SH3D19: variants seen among roughly 807,000 people sequenced by gnomAD.
SH3D19 encodes the protein SH3 domain-containing protein 19.
In SH3D19, 58 loss-of-function variants were observed where a neutral mutation model predicts 112.1. The ratio of observed to expected loss-of-function variants is 0.52; its 90% CI spans 0.42 to 0.64. SH3D19 has a LOEUF of 0.64. Ranked by LOEUF, SH3D19 falls within the 30% of genes least tolerant of loss-of-function variation. SH3D19 has a pLI of 0.00. For missense variants in SH3D19, 1,090 were observed against 1,263.4 expected (o/e 0.86, Z 2.08); for synonymous variants, 391 against 448.5 (o/e 0.87, Z 1.62).
At chr4:151,198,239 A>T (rs934973746) in intron 2 of SH3D19, among the ~76,000 whole-genome samples, 1 of 149,914 alleles carries the variant, frequency 6.7e-6, no homozygotes, top group South Asian at 2.1e-4. Flanking sequence ...CGAGAGGTGG[A>T]GGTTGCAGTG....
At chr4:151,306,000 A>C (rs1469861550) in intron 1 of SH3D19, among the ~76,000 whole-genome samples, 1 of 152,238 alleles carries the variant, frequency 6.6e-6, no homozygotes, top group African/African-American at 2.4e-5. Flanking sequence ...TGTCCAAGGC[A>C]TTCTCCTGAG....
Position 151,179,356 on chromosome 4 carries a change from T to C in SH3D19, c.235A>G (p.Arg79Gly), listed in dbSNP as rs1399524487. 8.1e-7 allele frequency: 1 copy of C among 1,227,610 alleles called. No individual in the cohort carries two copies. 76.0% of individuals were successfully genotyped at this position (1,227,610 alleles called of 1,614,324 possible). A position where few individuals can be genotyped will look rare whatever the true frequency, so the allele number is the denominator to read the frequency against. ...CCTCCATTATAAATATAACCATACC[T>C]TCTATCTCGATGAAGTTCACTCTGA... ...SIQSELHRDR[R>G]RPEITIVAAE... The change falls in exon 4 of 20, where the codon AGG becomes GGG. Residue 79 changes from arginine to glycine, a missense_variant and splice_region_variant. Coordinates refer to ENST00000604030, the MANE Select transcript of SH3D19 (RefSeq NM_001378122.1).
intron 2 of SH3D19, among the ~76,000 whole-genome samples, chr4:151,190,947 G>T (rs1028567538): frequency 2.6e-5 from 4 of 152,190 alleles, no homozygotes; most frequent in African/African-American, 9.7e-5. Context: ...GAAAGCAGCT[G>T]GTGGGGAGGC....
At chr4:151,176,500 G>A in intron 6 of SH3D19, 34 bp downstream of exon 6, 1 of 1,230,750 alleles carries the variant, frequency 8.1e-7, no homozygotes. Context: ...CTAGAACTAG[G>A]TCAGAATTAG....
chr4:151,244,854 A>G (rs570808178), intron 1 of SH3D19, among the ~76,000 whole-genome samples: 38 of 152,326 alleles, frequency 2.5e-4, no homozygotes, highest in Admixed American at 3.9e-4. Flanking sequence ...TCAAATATAC[A>G]TAAAAATAAT....
intron 1 of SH3D19, among the ~76,000 whole-genome samples, chr4:151,264,147 A>G (rs1772588507): frequency 6.6e-6 from 1 of 152,046 alleles, no homozygotes; most frequent in South Asian, 2.1e-4. Flanking sequence ...CTGACAACTC[A>G]GCTGGGTGTA....
intron 8 of SH3D19, among the ~76,000 whole-genome samples, chr4:151,161,459 A>T (rs1757130037): frequency 1.3e-5 from 2 of 152,056 alleles, no homozygotes; most frequent in African/African-American, 4.8e-5. Context: ...TCTAGAAATC[A>T]TTCTGTCATT....
At chr4:151,316,766 G>A (rs149179360) in intron 1 of SH3D19, among the ~76,000 whole-genome samples, 84 of 152,184 alleles carry the variant, frequency 5.5e-4, no homozygotes, top group African/African-American at 1.8e-3. Context: ...GTTCCTGAAG[G>A]TGAGGCCAAC....
chr4:151,286,633 G>T (rs1340431035), intron 1 of SH3D19, among the ~76,000 whole-genome samples: 1 of 147,126 alleles, frequency 6.8e-6, no homozygotes, highest in Non-Finnish European at 1.5e-5. Flanking sequence ...AGAAATAAAA[G>T]ACCAGGTCCA....
intron 11 of SH3D19, among the ~76,000 whole-genome samples, chr4:151,147,141 A>G (rs1236931392): frequency 6.6e-6 from 1 of 152,218 alleles, no homozygotes; most frequent in Non-Finnish European, 1.5e-5. Context: ...CCAGCTACTC[A>G]GAAGTGTGAA....
chr4:151,127,817 ATCTTC>A, intron 18 of SH3D19, 102 bp from the exon 19 acceptor site: 2 of 590,824 alleles, frequency 3.4e-6, no homozygotes, highest in South Asian at 3.6e-5. Flanking sequence ...AAAACACAGT[ATCTTC>A]TCTTCAGAGG....
At chr4:151,247,942 C>T (rs562796093) in intron 1 of SH3D19, among the ~76,000 whole-genome samples, 9 of 152,228 alleles carry the variant, frequency 5.9e-5, no homozygotes, top group Admixed American at 3.3e-4. Flanking sequence ...CTATGATCAG[C>T]GCTGAGACTT....
chr4:151,138,725 CACACACACAA>C (rs1752385819), intron 13 of SH3D19, among the ~76,000 whole-genome samples: 1 of 145,932 alleles, frequency 6.9e-6, no homozygotes. Flanking sequence ...CACACACACA[CACACACACAA>C]ATTACTTTGA....
chr4:151,177,909 C>T (rs916886972), intron 4 of SH3D19, among the ~76,000 whole-genome samples: 2 of 152,090 alleles, frequency 1.3e-5, no homozygotes, highest in Admixed American at 1.3e-4. Context: ...TAATCTGATT[C>T]TACATTCTCA....
At chr4:151,155,716 T>C (rs749710601) in intron 9 of SH3D19, among the ~76,000 whole-genome samples, 14 of 152,004 alleles carry the variant, frequency 9.2e-5, no homozygotes, top group Non-Finnish European at 1.8e-4. Context: ...TAAAACCCTG[T>C]CTCTACTAAA....
intron 19 of SH3D19, among the ~76,000 whole-genome samples, chr4:151,123,885 CTTGAT>C (rs1392196415): frequency 2.0e-5 from 3 of 151,960 alleles, no homozygotes; most frequent in African/African-American, 4.8e-5. Flanking sequence ...AAAAAAATGG[CTTGAT>C]TTAAGGCTTT....
chr4:151,127,201 T>C (rs1749597882), intron 19 of SH3D19, among the ~76,000 whole-genome samples: 2 of 152,230 alleles, frequency 1.3e-5, no homozygotes, highest in African/African-American at 4.8e-5. Context: ...GAGGCTACTA[T>C]GCTACTAGTG....
chr4:151,197,203 C>CA (rs917326418), intron 2 of SH3D19, among the ~76,000 whole-genome samples: 13 of 146,914 alleles, frequency 8.8e-5, no homozygotes, highest in East Asian at 4.0e-4. Flanking sequence ...AAGACGATCT[C>CA]AAAAAAAAAA....
At chr4:151,125,123 TGATA>T (rs1748913100) in intron 19 of SH3D19, among the ~76,000 whole-genome samples, 1 of 152,192 alleles carries the variant, frequency 6.6e-6, no homozygotes, top group African/African-American at 2.4e-5. Flanking sequence ...AAAAGGGAAC[TGATA>T]GAAGGTTACG....
Sources: allele counts gnomAD v4.1 joint callset (sites outside exome capture counted in the v4.1 genomes callset), GRCh38; gene constraint gnomAD v4.1.1; transcripts MANE v1.5; gene names NCBI Gene and HGNC (gene_info 2026-07-23, HGNC 2026-07-21).